FOXP1: variants seen among roughly 807,000 people sequenced by gnomAD.
The protein encoded by FOXP1 is forkhead box protein P1.
FOXP1 carries 15 observed loss-of-function variants against 98.2 expected under a neutral mutation model. That is an observed-to-expected ratio of 0.15 (90% CI 0.10 to 0.24). The LOEUF (loss-of-function observed/expected upper bound fraction) is 0.24. FOXP1 is among the 10% of genes least tolerant of loss of function. The probability of loss-of-function intolerance (pLI) is 1.00; values close to 1 mark genes in which losing one functional copy is unlikely to be tolerated. For synonymous variants in FOXP1, 371 were observed against 314.5 expected (o/e 1.18, Z -1.90); for missense variants, 633 against 848.5 (o/e 0.75, Z 3.15).
intron 7 of FOXP1, among the ~76,000 whole-genome samples, chr3:71,100,339 C>A (rs149828200): frequency 6.6e-6 from 1 of 152,230 alleles, no homozygotes; most frequent in Admixed American, 6.5e-5. Context: ...AATCCCTTTA[C>A]GCTCTCAAAC....
At chr3:71,302,784 A>C (rs989794768) in intron 4 of FOXP1, 5 of 152,198 alleles carry the variant, frequency 3.3e-5, no homozygotes, top group Non-Finnish European at 5.9e-5. Context: ...TGATTGCAAC[A>C]GTATCATTTA....
intron 11 of FOXP1, among the ~76,000 whole-genome samples, chr3:71,018,005 T>C (rs1279374647): frequency 6.6e-6 from 1 of 152,206 alleles, no homozygotes. Flanking sequence ...AAATTAATAT[T>C]ACTAGTTAAG....
At chr3:71,335,597 A>C (rs952450388) in intron 4 of FOXP1, among the ~76,000 whole-genome samples, 68 of 152,212 alleles carry the variant, frequency 4.5e-4, no homozygotes, top group African/African-American at 1.6e-3. Flanking sequence ...TGAGGCCTGG[A>C]CACACTCACA....
At chr3:71,371,171 C>G (rs2079286443) in intron 3 of FOXP1, among the ~76,000 whole-genome samples, 1 of 152,206 alleles carries the variant, frequency 6.6e-6, no homozygotes, top group South Asian at 2.1e-4. Context: ...GCTTCCGCCA[C>G]TGCTGCTGGT....
At chr3:71,582,217 G>A (rs1354548029) in intron 1 of FOXP1, 10 of 985,214 alleles carry the variant, frequency 1.0e-5, no homozygotes, top group Non-Finnish European at 1.2e-5. Context: ...CAACAGGTGG[G>A]GAGGGGGGCT....
chr3:71,376,604 A>G (rs773347010), intron 3 of FOXP1, among the ~76,000 whole-genome samples: 3 of 152,254 alleles, frequency 2.0e-5, no homozygotes, highest in Non-Finnish European at 4.4e-5. Context: ...TAGCGTAAGA[A>G]GCCAATTAAG....
At chr3:71,247,692 A>G (rs573686240) in intron 5 of FOXP1, among the ~76,000 whole-genome samples, 1 of 152,258 alleles carries the variant, frequency 6.6e-6, no homozygotes, top group Non-Finnish European at 1.5e-5. Flanking sequence ...TTCTCTGATG[A>G]CACTAGCCTG....
At chr3:71,322,972 CTTTT>C (rs879670656) in intron 4 of FOXP1, among the ~76,000 whole-genome samples, 1 of 139,998 alleles carries the variant, frequency 7.1e-6, no homozygotes. Flanking sequence ...AAGCTCGGTA[CTTTT>C]TTTTTTTTTT....
Position 71,124,645 on chromosome 3 carries a change from AAAAAAAAAAG to A in FOXP1, c.181-12018_181-12009del, listed in dbSNP as rs200385433. 6.7e-3 allele frequency among the ~76,000 whole-genome samples: 885 copies of A among 132,684 alleles called. 52 individuals carry two copies. The East Asian group carries it at 0.18, about 27-fold the overall frequency. 87.0% of individuals were successfully genotyped at this position (132,684 alleles called of 152,430 possible). On this transcript the variant is annotated intron_variant, in intron 6 of 20. Transcript: ENST00000649528. ...CTTGTAGATCATAAACTGTGTGTCAAAAAAAAAAAGAAAAAAAAAAGAGAAACATAAGACC... is the reference window on the plus strand; with the variant it reads ...CTTGTAGATCATAAACTGTGTGTCAAAAAAAAAAAAGAGAAACATAAGACC...
At chr3:71,539,071 G>A (rs761471404) in intron 2 of FOXP1, among the ~76,000 whole-genome samples, 23 of 149,932 alleles carry the variant, frequency 1.5e-4, no homozygotes, top group Non-Finnish European at 2.4e-4. Flanking sequence ...CTTGATTATT[G>A]TAGCTTTGTT....
intron 3 of FOXP1, among the ~76,000 whole-genome samples, chr3:71,450,982 T>C (rs1377309432): frequency 6.6e-6 from 1 of 152,232 alleles, no homozygotes; most frequent in Non-Finnish European, 1.5e-5. Context: ...CTGACATTCC[T>C]GGCCTGTTCA....
intron 4 of FOXP1, 100 bp from the exon 5 acceptor site, chr3:71,299,980 T>G (rs1262386011): frequency 6.6e-6 from 1 of 152,562 alleles, no homozygotes; most frequent in Non-Finnish European, 1.5e-5. Flanking sequence ...CACTCAATTC[T>G]ATTTAATGGC....
At chr3:71,418,717 A>T (rs1174558275) in intron 3 of FOXP1, among the ~76,000 whole-genome samples, 3 of 152,194 alleles carry the variant, frequency 2.0e-5, no homozygotes, top group African/African-American at 7.2e-5. Flanking sequence ...AAACCAAAAG[A>T]TTAATTTGAG....
rs74700121 is a variant in FOXP1, at chr3:71,434,971, T to C, written c.-168+58455A>G. ...TCCGTCTCTCTCGCCTTTGATCTTC[T>C]ATAGCCAGGTATTAGATGGCCATTT... On this transcript the variant is annotated intron_variant, in intron 3 of 20. Coordinates refer to ENST00000649528, the MANE Select transcript of FOXP1 (RefSeq NM_001349338.3). Among the ~76,000 whole-genome samples the C allele has an allele frequency of 3.3e-3, 498 of 152,032 alleles. 15 individuals carry two copies. In the East Asian group the frequency reaches 0.085, roughly 26 times the overall value.
intron 4 of FOXP1, among the ~76,000 whole-genome samples, chr3:71,347,429 C>A (rs1237916041): frequency 6.6e-6 from 1 of 152,166 alleles, no homozygotes; most frequent in Non-Finnish European, 1.5e-5. Flanking sequence ...TCTGCCTCTA[C>A]CATCAATATC....
At chr3:71,578,134 C>T (rs1016181359) in intron 2 of FOXP1, among the ~76,000 whole-genome samples, 1 of 151,944 alleles carries the variant, frequency 6.6e-6, no homozygotes, top group African/African-American at 2.4e-5. Context: ...CTCTGGAAAC[C>T]CTTTCTCGGT....
intron 5 of FOXP1, 40 bp from the exon 6 acceptor site, chr3:71,198,432 G>GCCCCC: frequency 2.0e-6 from 1 of 491,034 alleles, no homozygotes. Context: ...GGGAGGGGGG[G>GCCCCC]AGAAAAAAAA....
intron 3 of FOXP1, among the ~76,000 whole-genome samples, chr3:71,386,512 G>A (rs2108088016): frequency 6.6e-6 from 1 of 152,270 alleles, no homozygotes; most frequent in East Asian, 1.9e-4. Context: ...GGAGGCCAAG[G>A]TGGGCAGATC....
intron 2 of FOXP1, among the ~76,000 whole-genome samples, chr3:71,540,013 G>A (rs1485380722): frequency 6.6e-6 from 1 of 152,170 alleles, no homozygotes; most frequent in Non-Finnish European, 1.5e-5. Context: ...ATCAGTAGCA[G>A]AAAACACTTA....
Sources: allele counts gnomAD v4.1 joint callset (sites outside exome capture counted in the v4.1 genomes callset), GRCh38; gene constraint gnomAD v4.1.1; transcripts MANE v1.5; gene names NCBI Gene and HGNC (gene_info 2026-07-23, HGNC 2026-07-21).